Variants in P2RY14 observed in about 807,000 individuals in gnomAD.
P2RY14 encodes the protein purinergic receptor P2Y14.
Under a neutral mutation model 0.9 loss-of-function variants are expected in P2RY14, and 2 were observed. The observed-to-expected ratio is 2.16, with a 90% confidence interval of 0.88 to 6.79. The LOEUF is 6.79. Ranked by LOEUF, P2RY14 falls within the 30% of genes most tolerant of loss-of-function variation. The pLI is 0.05. For synonymous variants in P2RY14, 158 were observed against 147.2 expected (o/e 1.07, Z -0.53); for missense variants, 378 against 400.1 (o/e 0.94, Z 0.47).
Position 151,225,906 on chromosome 3 carries a change from T to G in P2RY14, c.-132-6264A>C, listed in dbSNP as rs142580707. 1.1e-3 allele frequency among the ~76,000 whole-genome samples: 164 copies of G among 152,360 alleles called. 3 individuals are homozygous for G. In the East Asian group the frequency reaches 0.029, roughly 27 times the overall value. ...AGTTTTTGATATCATTGATTTCCCCTTGTTGAAATCTGCTGTTTATAAAGT... is the reference window on the plus strand; with the variant it reads ...AGTTTTTGATATCATTGATTTCCCCGTGTTGAAATCTGCTGTTTATAAAGT... On this transcript the variant is annotated intron_variant, in intron 1 of 2. Transcript: ENST00000309170.
chr3:151,229,627 C>T lies in P2RY14; in HGVS notation c.-132-9985G>A, dbSNP rs1245027454. Among the ~76,000 whole-genome samples, 5 of 151,908 alleles carry T rather than the reference C, an allele frequency of 3.3e-5. No individual in the cohort carries two copies. The East Asian group carries it at 9.8e-4, about 30-fold the overall frequency. Reference sequence around the variant, plus strand: ...CCTAGTAGCTGGGACTACAGGCGCCCACCACCATGCCTGGCTTATTTTTGT... The same window carrying T: ...CCTAGTAGCTGGGACTACAGGCGCCTACCACCATGCCTGGCTTATTTTTGT... On this transcript the variant is annotated intron_variant, in intron 1 of 2. Coordinates refer to ENST00000309170, the MANE Select transcript of P2RY14 (RefSeq NM_014879.4).
chr3:151,217,427 C>A (rs1268120438), intron 2 of P2RY14, among the ~76,000 whole-genome samples: 1 of 152,192 alleles, frequency 6.6e-6, no homozygotes, highest in Non-Finnish European at 1.5e-5. Context: ...CACCATTCCC[C>A]TTCACTGCTC....
At chr3:151,272,493 T>G (rs1358444037) in intron 1 of P2RY14, among the ~76,000 whole-genome samples, 1 of 152,210 alleles carries the variant, frequency 6.6e-6, no homozygotes, top group East Asian at 1.9e-4. Context: ...TATTTCCTCC[T>G]CCCAAATTCC....
chr3:151,252,777 C>A (rs1737091983), intron 1 of P2RY14, among the ~76,000 whole-genome samples: 1 of 152,036 alleles, frequency 6.6e-6, no homozygotes, highest in African/African-American at 2.4e-5. Context: ...ACTAACTTAT[C>A]TACTAACTAG....
At chr3:151,228,795 T>G (rs1185866274) in intron 1 of P2RY14, among the ~76,000 whole-genome samples, 1 of 152,208 alleles carries the variant, frequency 6.6e-6, no homozygotes, top group Non-Finnish European at 1.5e-5. Flanking sequence ...TTTTTTCTCC[T>G]GGAACTAGGT....
chr3:151,260,652 T>C (rs1160781607), intron 1 of P2RY14, among the ~76,000 whole-genome samples: 2 of 152,156 alleles, frequency 1.3e-5, no homozygotes, highest in African/African-American at 4.8e-5. Flanking sequence ...CACCTGGCCC[T>C]AAAGCTGGTT....
rs149610114 is a variant in P2RY14 at position 151,250,788 on chromosome 3, G to A, written c.-133+27499C>T. Among the ~76,000 whole-genome samples, 594 of 152,270 alleles carry A rather than the reference G, an allele frequency of 3.9e-3. 5 individuals carry two copies. Among genetic ancestry groups the A allele is most frequent in the African/African-American group, 0.014 (577 of 41,552 alleles). On this transcript the variant is annotated intron_variant, in intron 1 of 2. Coordinates refer to ENST00000309170, the MANE Select transcript of P2RY14 (RefSeq NM_014879.4). Reference sequence around the variant, plus strand: ...AGTTCTTTTGGTTATGTGCCCAGAAGCAAAATTGCTGGATCATGTGGTAAT... The same window carrying A: ...AGTTCTTTTGGTTATGTGCCCAGAAACAAAATTGCTGGATCATGTGGTAAT...
At chr3:151,237,080 G>A (rs890198102) in intron 1 of P2RY14, among the ~76,000 whole-genome samples, 12 of 135,024 alleles carry the variant, frequency 8.9e-5, no homozygotes, top group Admixed American at 2.5e-4. Context: ...ACGGAATCTC[G>A]CTCTGTTGCC....
At chr3:151,253,007 A>G (rs1295203452) in intron 1 of P2RY14, among the ~76,000 whole-genome samples, 1 of 152,214 alleles carries the variant, frequency 6.6e-6, no homozygotes, top group Non-Finnish European at 1.5e-5. Flanking sequence ...TAAAATAAAT[A>G]TTACATGTCG....
chr3:151,268,668 T>G (rs770983766), intron 1 of P2RY14, among the ~76,000 whole-genome samples: 1 of 152,234 alleles, frequency 6.6e-6, no homozygotes, highest in African/African-American at 2.4e-5. Flanking sequence ...ATAGAGCCTT[T>G]AGTAAGCTTT....
At chr3:151,239,353 A>G (rs893351626) in intron 1 of P2RY14, among the ~76,000 whole-genome samples, 1 of 152,234 alleles carries the variant, frequency 6.6e-6, no homozygotes, top group African/African-American at 2.4e-5. Flanking sequence ...TGTGCTGTCA[A>G]AGAAGAAAAT....
At chr3:151,232,365 C>G (rs1559911287) in intron 1 of P2RY14, among the ~76,000 whole-genome samples, 1 of 152,142 alleles carries the variant, frequency 6.6e-6, no homozygotes, top group Non-Finnish European at 1.5e-5. Flanking sequence ...TATTTTTTGA[C>G]TTTTTAACGA....
chr3:151,224,666 C>T (rs1209922429), intron 1 of P2RY14, among the ~76,000 whole-genome samples: 3 of 152,180 alleles, frequency 2.0e-5, no homozygotes, highest in Non-Finnish European at 4.4e-5. Flanking sequence ...AAGGAATCCT[C>T]CTCCCACCCC....
At chr3:151,257,418 C>T (rs1020429908) in intron 1 of P2RY14, among the ~76,000 whole-genome samples, 4 of 152,180 alleles carry the variant, frequency 2.6e-5, no homozygotes, top group African/African-American at 7.2e-5. Context: ...GAATAGATTG[C>T]CTTAGTTAGA....
At chr3:151,273,435 G>A (rs1741343755) in intron 1 of P2RY14, among the ~76,000 whole-genome samples, 1 of 144,114 alleles carries the variant, frequency 6.9e-6, no homozygotes, top group Non-Finnish European at 1.5e-5. Flanking sequence ...TAGAGACAGA[G>A]TTTCACCATG....
chr3:151,257,355 A>T (rs1273738885), intron 1 of P2RY14, among the ~76,000 whole-genome samples: 2 of 152,186 alleles, frequency 1.3e-5, no homozygotes, highest in African/African-American at 4.8e-5. Context: ...CTGTTTTTTT[A>T]AATTGTTTAT....
intron 1 of P2RY14, among the ~76,000 whole-genome samples, chr3:151,233,406 C>T (rs1435651122): frequency 6.6e-6 from 1 of 152,212 alleles, no homozygotes; most frequent in Non-Finnish European, 1.5e-5. Context: ...TTTGAAAAGA[C>T]TACATGTAGT....
At chr3:151,225,884 T>A (rs546811157) in intron 1 of P2RY14, among the ~76,000 whole-genome samples, 25 of 152,358 alleles carry the variant, frequency 1.6e-4, no homozygotes, top group African/African-American at 6.0e-4. Context: ...TGCTTGCAGT[T>A]TTTGATATCA....
chr3:151,216,299 G>A (rs976561901), intron 2 of P2RY14, among the ~76,000 whole-genome samples: 1 of 152,196 alleles, frequency 6.6e-6, no homozygotes, highest in Non-Finnish European at 1.5e-5. Flanking sequence ...GGAACAGTGG[G>A]TACCTTGATG....
Sources: gnomAD v4.1 joint callset for allele counts (sites outside exome capture counted in the v4.1 genomes callset) on GRCh38, gnomAD v4.1.1 for gene constraint, MANE v1.5 for transcripts, NCBI Gene and HGNC (gene_info 2026-07-23, HGNC 2026-07-21) for gene names.